EYS: variants seen among roughly 807,000 people sequenced by gnomAD.
The protein encoded by EYS is EGF-like photoreceptor maintenance factor.
Under a neutral mutation model 282.1 loss-of-function variants are expected in EYS, and 250 were observed. That is an observed-to-expected ratio of 0.89 (90% CI 0.80 to 0.98). The LOEUF (loss-of-function observed/expected upper bound fraction) is 0.98. EYS is among the 50% of genes least tolerant of loss of function. The pLI is 0.00. For synonymous variants in EYS, 1,355 were observed against 1,282.9 expected (o/e 1.06, Z -1.20); for missense variants, 4,016 against 3,709.0 (o/e 1.08, Z -2.15).
chr6:64,893,477 G>A (rs948009281), intron 18 of EYS, among the ~76,000 whole-genome samples: 16 of 152,002 alleles, frequency 1.1e-4, no homozygotes, highest in African/African-American at 3.9e-4. Context: ...TTTTAAATGA[G>A]TTGGTAGATT....
intron 32 of EYS, among the ~76,000 whole-genome samples, chr6:64,068,594 C>T (rs1771462002): frequency 6.6e-6 from 1 of 151,914 alleles, no homozygotes; most frequent in African/African-American, 2.4e-5. Context: ...CACCATCGCA[C>T]ATGTAAACAT....
At chr6:64,210,741 T>C (rs1384151587) in intron 31 of EYS, among the ~76,000 whole-genome samples, 1 of 152,134 alleles carries the variant, frequency 6.6e-6, no homozygotes, top group Non-Finnish European at 1.5e-5. Context: ...AAAGTGTTAT[T>C]TCTGGGTGTG....
At chr6:64,079,574 T>G (rs191273485) in intron 32 of EYS, among the ~76,000 whole-genome samples, 1 of 151,766 alleles carries the variant, frequency 6.6e-6, no homozygotes, top group Admixed American at 6.6e-5. Context: ...TTTTTTATTT[T>G]TTTATTATTT....
chr6:65,505,095 G>T lies in EYS; in HGVS notation c.-332-9102C>A, dbSNP rs370613972. 3.4e-4 allele frequency among the ~76,000 whole-genome samples: 52 copies of T among 151,846 alleles called. No homozygotes were observed. The South Asian group carries it at 0.01, about 30-fold the overall frequency. On this transcript the variant is annotated intron_variant, in intron 2 of 42. Transcript: ENST00000503581. ...GATTCAATTTCTTTAATATATGTAG[G>T]CCTATTCAGATGATCTTTTCTTGCA...
intron 22 of EYS, among the ~76,000 whole-genome samples, chr6:64,772,673 T>C (rs1445314281): frequency 6.6e-6 from 1 of 151,836 alleles, no homozygotes; most frequent in African/African-American, 2.4e-5. Flanking sequence ...CTACCCTTCC[T>C]AGTCTTTGGC....
chr6:65,346,042 TACAA>T (rs745526749), intron 9 of EYS, among the ~76,000 whole-genome samples: 2 of 151,852 alleles, frequency 1.3e-5, no homozygotes, highest in Non-Finnish European at 2.9e-5. Flanking sequence ...CACTCAGCTT[TACAA>T]ACAAACAATT....
intron 12 of EYS, among the ~76,000 whole-genome samples, chr6:65,249,932 G>A (rs114600470): frequency 2.0e-4 from 30 of 152,150 alleles, no homozygotes; most frequent in Non-Finnish European, 2.9e-4. Flanking sequence ...CAATACTTGT[G>A]TTGTTGGTGA....
intron 13 of EYS, among the ~76,000 whole-genome samples, chr6:65,006,481 C>T (rs182677000): frequency 1.5e-4 from 17 of 111,110 alleles, no homozygotes; most frequent in Non-Finnish European, 2.5e-4. Context: ...GCACACCTCA[C>T]CAGTTCAGAG....
intron 12 of EYS, among the ~76,000 whole-genome samples, chr6:65,219,912 A>G (rs1766416447): frequency 6.6e-6 from 1 of 152,098 alleles, no homozygotes; most frequent in Admixed American, 6.6e-5. Context: ...TATGGGGAAA[A>G]CTGCCCCCAT....
rs76111514 is a variant in EYS at position 64,697,156 on chromosome 6, A to G, written c.3444-70911T>C. 4.7e-3 allele frequency among the ~76,000 whole-genome samples: 718 copies of G among 152,328 alleles called. 4 individuals are homozygous for G. The highest frequency in any genetic ancestry group is 6.1e-3 in the Non-Finnish European group (417 of 68,026). On this transcript the variant is annotated intron_variant, in intron 22 of 42. Coordinates refer to ENST00000503581, the MANE Select transcript of EYS (RefSeq NM_001142800.2). Reference sequence around the variant, plus strand: ...AACATGAATCAACTACATGCTGCTTACAAGAAACTCAGCTTATTGGTAACA... The same window carrying G: ...AACATGAATCAACTACATGCTGCTTGCAAGAAACTCAGCTTATTGGTAACA...
intron 1 of EYS, among the ~76,000 whole-genome samples, chr6:65,667,627 C>G (rs559932828): frequency 6.6e-6 from 1 of 151,832 alleles, no homozygotes; most frequent in African/African-American, 2.4e-5. Flanking sequence ...AGTCACATTA[C>G]TCTTGTAGCA....
intron 22 of EYS, among the ~76,000 whole-genome samples, chr6:64,694,050 T>G (rs9342374): frequency 0.69 from 104,581 of 152,028 alleles, 37,029 homozygotes; most frequent in Non-Finnish European, 0.78. Flanking sequence ...AAAAAACTGA[T>G]ATAATCTTGT....
chr6:63,977,837 C>T (rs1256817266), intron 35 of EYS, among the ~76,000 whole-genome samples: 1 of 151,894 alleles, frequency 6.6e-6, no homozygotes, highest in Non-Finnish European at 1.5e-5. Context: ...CAGACCCAAA[C>T]CTGGAGAAAC....
At chr6:65,533,051 A>G (rs1767837100) in intron 2 of EYS, among the ~76,000 whole-genome samples, 1 of 152,098 alleles carries the variant, frequency 6.6e-6, no homozygotes, top group Non-Finnish European at 1.5e-5. Context: ...AAATATGTAT[A>G]AAAATTACTA....
Position 65,600,626 on chromosome 6 carries a change from G to A in EYS, c.-333+39152C>T, listed in dbSNP as rs115363333. Among the ~76,000 whole-genome samples the A allele has an allele frequency of 7.7e-3, 1,173 of 152,040 alleles. 14 individuals are homozygous for A. The highest frequency in any genetic ancestry group is 0.025 in the African/African-American group (1,044 of 41,498). On this transcript the variant is annotated intron_variant, in intron 2 of 42. Transcript: ENST00000503581. Reference sequence around the variant, plus strand: ...CGAAAACAAGTTCCTGGTAATTTACGTGCATTTTGTGGTACCGCCAAATCC... The same window carrying A: ...CGAAAACAAGTTCCTGGTAATTTACATGCATTTTGTGGTACCGCCAAATCC...
At chr6:63,869,339 T>C (rs1772744125) in intron 35 of EYS, among the ~76,000 whole-genome samples, 1 of 152,118 alleles carries the variant, frequency 6.6e-6, no homozygotes, top group South Asian at 2.1e-4. Context: ...TATGGTATAA[T>C]CTCTCGCCTT....
At position 65,424,080 on chromosome 6, in the gene EYS, G is replaced by C. The variant is rs146323768; in HGVS notation, c.863-18713C>G. On this transcript the variant is annotated intron_variant, in intron 5 of 42. Transcript: ENST00000503581. Reference sequence around the variant, plus strand: ...GTTTCTAAGGTGTAATGAATTTAACGTGAAATTTGTGTCCTGGCAGCCTCC... The same window carrying C: ...GTTTCTAAGGTGTAATGAATTTAACCTGAAATTTGTGTCCTGGCAGCCTCC... Among the ~76,000 whole-genome samples the C allele has an allele frequency of 5.9e-3, 895 of 151,820 alleles. 14 individuals carry two copies. Among genetic ancestry groups the C allele is most frequent in the African/African-American group, 0.021 (850 of 41,424 alleles).
At chr6:64,006,273 G>A (rs1053149174) in intron 33 of EYS, among the ~76,000 whole-genome samples, 2 of 151,986 alleles carry the variant, frequency 1.3e-5, no homozygotes, top group South Asian at 4.1e-4. Flanking sequence ...CAGCTTGGAT[G>A]TTTTTGGTGT....
intron 21 of EYS, among the ~76,000 whole-genome samples, chr6:64,818,608 G>T (rs1167625201): frequency 6.6e-6 from 1 of 152,154 alleles, no homozygotes; most frequent in African/African-American, 2.4e-5. Context: ...CAAACCACTG[G>T]TGGAAGGTCC....
Sources: gnomAD v4.1 joint callset for allele counts (sites outside exome capture counted in the v4.1 genomes callset) on GRCh38, gnomAD v4.1.1 for gene constraint, MANE v1.5 for transcripts, NCBI Gene and HGNC (gene_info 2026-07-23, HGNC 2026-07-21) for gene names.